INPP5D: variants seen among roughly 807,000 people sequenced by gnomAD.
INPP5D encodes inositol polyphosphate-5-phosphatase D, also known as phosphatidylinositol 3,4,5-trisphosphate 5-phosphatase 1.
INPP5D carries 33 observed loss-of-function variants against 122.9 expected under a neutral mutation model. The observed-to-expected ratio is 0.27, with a 90% CI of 0.20 to 0.36. The LOEUF is 0.36. Among genes scored for constraint, INPP5D ranks in the 10% least tolerant of loss-of-function variants. INPP5D has a pLI of 1.00. For missense variants in INPP5D, 1,053 were observed against 1,412.7 expected (o/e 0.75, Z 4.08); for synonymous variants, 584 against 576.2 (o/e 1.01, Z -0.19).
In INPP5D at chr2:233,093,682, C is replaced by CAA. The variant is rs11443116; in HGVS notation, c.198+14299_198+14300dup. 5.8e-3 allele frequency among the ~76,000 whole-genome samples: 496 copies of CAA among 85,956 alleles called. 7 individuals carry two copies. Among genetic ancestry groups the CAA allele is most frequent in the African/African-American group, 0.02 (445 of 22,476 alleles). 56.4% of individuals were successfully genotyped at this position (85,956 alleles called of 152,430 possible). A position where few individuals can be genotyped will look rare whatever the true frequency, so the allele number is the denominator to read the frequency against. ...GGGCGACAGAGTGAGACACTGTCTC[C>CAA]AAAAAAAAAAAAAAAAGACTTTATG... On this transcript the variant is annotated intron_variant, in intron 2 of 26. Transcript: ENST00000445964.
intron 9 of INPP5D, among the ~76,000 whole-genome samples, chr2:233,148,327 A>C (rs1693823386): frequency 1.1e-5 from 1 of 89,118 alleles, no homozygotes; most frequent in African/African-American, 4.8e-5. Flanking sequence ...CGCTACAAAG[A>C]AAACAAAACA....
At chr2:233,110,854 G>A (rs1179770573) in intron 2 of INPP5D, among the ~76,000 whole-genome samples, 1 of 152,016 alleles carries the variant, frequency 6.6e-6, no homozygotes, top group African/African-American at 2.4e-5. Context: ...GAACTCGGGA[G>A]GCGGAGGTTG....
chr2:233,085,949 C>T (rs372482185), intron 2 of INPP5D, among the ~76,000 whole-genome samples: 1 of 152,154 alleles, frequency 6.6e-6, no homozygotes, highest in East Asian at 1.9e-4. Context: ...TGTTTCCTGT[C>T]TTTGTTACCC....
Position 233,170,688 on chromosome 2 carries a change from G to A in INPP5D, c.1900+84G>A. ...GGAGGCCGAGGCGGGCGGATCACGA[G>A]ATCAGGAGATGGAGACCATCCTGGC... On this transcript the variant is annotated intron_variant, in intron 16 of 26. Transcript: ENST00000445964. The surrounding 1 kb of genome is among the most constrained non-coding windows in gnomAD (Gnocchi z 4.5). The A allele has an allele frequency of 6.5e-7, 1 of 1,533,230 alleles. No individual in the cohort carries two copies. The highest frequency in any genetic ancestry group is 8.9e-7 in the Non-Finnish European group (1 of 1,127,628). 95.0% of individuals were successfully genotyped at this position (1,533,230 alleles called of 1,614,324 possible).
At chr2:233,106,965 G>A (rs1249968397) in intron 2 of INPP5D, among the ~76,000 whole-genome samples, 3 of 152,218 alleles carry the variant, frequency 2.0e-5, no homozygotes, top group African/African-American at 4.8e-5. Context: ...CTCCTTTGAT[G>A]TGAGGGGTTC....
Position 233,183,313 on chromosome 2 carries a change from G to A in INPP5D, c.2161+814G>A, listed in dbSNP as rs960221182. On this transcript the variant is annotated intron_variant, in intron 19 of 26. Coordinates refer to ENST00000445964, the MANE Select transcript of INPP5D (RefSeq NM_001017915.3). This position sits in a 1 kb window ranked among gnomAD's most constrained non-coding sequence, Gnocchi z 4.6. Reference sequence around the variant, plus strand: ...CCCAAATACAGGGAAAGACCATCTTGCTCTGTGTCCTTCATGCCCTGGGGG... The same window carrying A: ...CCCAAATACAGGGAAAGACCATCTTACTCTGTGTCCTTCATGCCCTGGGGG... Among the ~76,000 whole-genome samples, 1 of 152,154 alleles carries A rather than the reference G, an allele frequency of 6.6e-6. No individual in the cohort carries two copies. The highest frequency in any genetic ancestry group is 1.5e-5 in the Non-Finnish European group (1 of 68,012).
chr2:233,136,707 A>T (rs1392707582), intron 5 of INPP5D, among the ~76,000 whole-genome samples: 3 of 152,210 alleles, frequency 2.0e-5, no homozygotes, highest in Non-Finnish European at 4.4e-5. Flanking sequence ...ATAAAACAGA[A>T]TCTTTAAGAA....
intron 22 of INPP5D, among the ~76,000 whole-genome samples, chr2:233,193,132 G>T (rs1233521284): frequency 6.6e-6 from 1 of 152,186 alleles, no homozygotes; most frequent in Non-Finnish European, 1.5e-5. Flanking sequence ...CAAGTGATCA[G>T]CCCGCCTCGG....
intron 25 of INPP5D, among the ~76,000 whole-genome samples, chr2:233,200,106 C>T (rs1695293945): frequency 6.6e-6 from 1 of 152,182 alleles, no homozygotes; most frequent in Non-Finnish European, 1.5e-5. Context: ...TCTGGGGAAG[C>T]CCCGGACGGT....
intron 2 of INPP5D, among the ~76,000 whole-genome samples, chr2:233,079,930 T>A (rs1691626847): frequency 6.6e-6 from 1 of 152,214 alleles, no homozygotes; most frequent in African/African-American, 2.4e-5. Context: ...GTTCATTTTT[T>A]AATATTTTTT....
chr2:233,175,749 C>T (rs973947291), intron 17 of INPP5D, among the ~76,000 whole-genome samples: 14 of 150,800 alleles, frequency 9.3e-5, no homozygotes, highest in African/African-American at 3.4e-4. Flanking sequence ...GTGGCGCAAT[C>T]TCAGCACACC....
intron 5 of INPP5D, among the ~76,000 whole-genome samples, chr2:233,137,917 C>A (rs1383811057): frequency 2.6e-5 from 2 of 77,582 alleles, no homozygotes; most frequent in African/African-American, 4.3e-5. Flanking sequence ...CACACACATA[C>A]ACATAATATG....
At chr2:233,092,288 T>G (rs914593560) in intron 2 of INPP5D, among the ~76,000 whole-genome samples, 11 of 152,228 alleles carry the variant, frequency 7.2e-5, no homozygotes, top group African/African-American at 2.7e-4. Flanking sequence ...GTCTGCCAGC[T>G]GTCACTTCTG....
In INPP5D at chr2:233,105,139, G is replaced by A. The variant is rs116031718; in HGVS notation, c.199-16968G>A. ...GTGGTTCCAGTGCCCAAGGGCAGTC[G>A]TCTGAGGCACCAGGCTTAGGTCTTT... is the stretch of plus-strand genomic sequence containing the variant. On this transcript the variant is annotated intron_variant, in intron 2 of 26. Transcript: ENST00000445964. The surrounding 1 kb of genome is among the most constrained non-coding windows in gnomAD (Gnocchi z 4.0). 1.4e-3 allele frequency among the ~76,000 whole-genome samples: 217 copies of A among 152,302 alleles called. 1 individual carries two copies. The highest frequency in any genetic ancestry group is 2.5e-3 in the African/African-American group (103 of 41,558).
intron 17 of INPP5D, among the ~76,000 whole-genome samples, chr2:233,176,642 G>GA: frequency 7.6e-6 from 1 of 131,736 alleles, no homozygotes; most frequent in African/African-American, 2.9e-5. Flanking sequence ...ATGGCTAGTC[G>GA]GTGGGTGGAT....
intron 1 of INPP5D, among the ~76,000 whole-genome samples, chr2:233,061,991 G>A (rs1033388351): frequency 8.5e-5 from 13 of 152,254 alleles, no homozygotes; most frequent in Admixed American, 1.3e-4. Context: ...TCCAAAGACT[G>A]GTTTCCTGTG....
At chr2:233,077,253 A>C (rs976415701) in intron 1 of INPP5D, among the ~76,000 whole-genome samples, 4 of 152,232 alleles carry the variant, frequency 2.6e-5, no homozygotes, top group Non-Finnish European at 5.9e-5. Flanking sequence ...ACAAACAGGA[A>C]TAGGAAATCT....
chr2:233,141,840 G>C (rs940054835), intron 6 of INPP5D, among the ~76,000 whole-genome samples: 2 of 152,196 alleles, frequency 1.3e-5, no homozygotes, highest in Admixed American at 6.5e-5. Flanking sequence ...GAAGGGGACT[G>C]GGCCAAGGGG....
At chr2:233,095,638 A>C (rs1192177485) in intron 2 of INPP5D, among the ~76,000 whole-genome samples, 1 of 124,064 alleles carries the variant, frequency 8.1e-6, no homozygotes, top group African/African-American at 3.0e-5. Flanking sequence ...AAAAAAAAAA[A>C]AAAAACAACT....
Sources: allele counts gnomAD v4.1 joint callset (sites outside exome capture counted in the v4.1 genomes callset), GRCh38; gene constraint gnomAD v4.1.1; non-coding constraint Gnocchi (gnomAD v3.1); transcripts MANE v1.5; gene names NCBI Gene and HGNC (gene_info 2026-07-23, HGNC 2026-07-21).